PGM1: variants seen among roughly 807,000 people sequenced by gnomAD.
PGM1 encodes the protein phosphoglucomutase 1.
PGM1 carries 52 observed loss-of-function variants against 55.6 expected under a neutral mutation model. The observed-to-expected ratio is 0.94, with a 90% CI of 0.75 to 1.18. The LOEUF (loss-of-function observed/expected upper bound fraction) is 1.18, where lower values mean the gene tolerates loss of function less well. PGM1 is among the 50% of genes most tolerant of loss of function. The pLI, the probability that PGM1 is intolerant of heterozygous loss-of-function variation, is 0.00. For synonymous variants in PGM1, 287 were observed against 271.7 expected (o/e 1.06, Z -0.55); for missense variants, 724 against 729.3 (o/e 0.99, Z 0.08).
chr1:63,636,537 G>A (rs1241002943), intron 6 of PGM1, 149 bp downstream of exon 6: 1 of 920,836 alleles, frequency 1.1e-6, no homozygotes, highest in African/African-American at 1.6e-5. Flanking sequence ...TGAGGGGATG[G>A]TTGGCTTTTT....
At chr1:63,613,612 A>G (rs1648626927) in intron 1 of PGM1, among the ~76,000 whole-genome samples, 1 of 150,698 alleles carries the variant, frequency 6.6e-6, no homozygotes, top group Non-Finnish European at 1.5e-5. Flanking sequence ...CTAATCCAGT[A>G]TGCTCTCATT....
chr1:63,627,284 G>C (rs1649050836), intron 1 of PGM1, among the ~76,000 whole-genome samples: 1 of 152,022 alleles, frequency 6.6e-6, no homozygotes, highest in South Asian at 2.1e-4. Context: ...GAGGGTTTTG[G>C]AGTCAGAAAA....
In PGM1 at chr1:63,619,098, C is replaced by A. The variant is rs192429666; in HGVS notation, c.247-10327C>A. Among the ~76,000 whole-genome samples, 13 of 152,282 alleles carry A rather than the reference C, an allele frequency of 8.5e-5. No individual in the cohort carries two copies. In the East Asian group the frequency reaches 1.7e-3, roughly 20 times the overall value. On this transcript the variant is annotated intron_variant, in intron 1 of 10. Transcript: ENST00000371084. ...TTTACCTGTCTTTCTGGTTCAAGGG[C>A]TAACCTAATCTGGCTAGTACACTTT...
chr1:63,627,980 G>A (rs1432803451), intron 1 of PGM1, among the ~76,000 whole-genome samples: 2 of 152,156 alleles, frequency 1.3e-5, no homozygotes, highest in African/African-American at 4.8e-5. Context: ...CTACGCCAGT[G>A]TCTGCCATAG....
In PGM1 at chr1:63,623,360, C is replaced by T. The variant is rs560113791; in HGVS notation, c.247-6065C>T. On this transcript the variant is annotated intron_variant, in intron 1 of 10. Coordinates refer to ENST00000371084, the MANE Select transcript of PGM1 (RefSeq NM_002633.3). ...CCATGCAAACCCTCTATTTTAGTTA[C>T]TCATACGACACTGTTGCAGCTTCAG... 145 of 1,522,768 alleles carry T rather than the reference C, an allele frequency of 9.5e-5. 2 individuals are homozygous for T. The South Asian group carries it at 1.6e-3, about 17-fold the overall frequency. 94.3% of individuals were successfully genotyped at this position (1,522,768 alleles called of 1,614,324 possible). A position where few individuals can be genotyped will look rare whatever the true frequency, so the allele number is the denominator to read the frequency against.
At chr1:63,633,932 ATTTTTTTTTTTTTT>A (rs60609353) in intron 4 of PGM1, among the ~76,000 whole-genome samples, 2 of 35,360 alleles carry the variant, frequency 5.7e-5, no homozygotes, top group African/African-American at 3.3e-4. Flanking sequence ...ATATATATAT[ATTTTTTTTTTTTTT>A]TTTTTTTTTT....
Position 63,654,412 on chromosome 1 carries a change from G to C in PGM1, c.1545G>C (p.Arg515=). Residue 515 remains arginine, a synonymous_variant, in exon 10 of 11, where the codon CGG becomes CGC. Transcript: ENST00000371084. ...SGTGSAGATI[R]LYIDSYEKDV... Reference sequence around the variant, plus strand: ...CTGGGAGTGCCGGGGCCACCATTCGGCTGTACATCGATAGCTATGAGAAGG... The same window carrying C: ...CTGGGAGTGCCGGGGCCACCATTCGCCTGTACATCGATAGCTATGAGAAGG... The C allele has an allele frequency of 1.2e-6, 2 of 1,614,078 alleles. No individual in the cohort carries two copies. The highest frequency in any genetic ancestry group is 1.1e-5 in the South Asian group (1 of 91,074).
chr1:63,639,080 C>A (rs1199122106), intron 7 of PGM1, among the ~76,000 whole-genome samples: 1 of 152,144 alleles, frequency 6.6e-6, no homozygotes, highest in Non-Finnish European at 1.5e-5. Context: ...AGGGATTAAA[C>A]AGAGCGATAA....
chr1:63,650,368 C>T (rs1649775146), intron 8 of PGM1, among the ~76,000 whole-genome samples: 1 of 152,178 alleles, frequency 6.6e-6, no homozygotes, highest in Non-Finnish European at 1.5e-5. Flanking sequence ...TTCCACCCCT[C>T]TGTGCCTAGG....
chr1:63,629,344 C>T (rs1649125528), intron 1 of PGM1, 81 bp from the exon 2 acceptor site: 10 of 1,158,270 alleles, frequency 8.6e-6, no homozygotes, highest in South Asian at 1.2e-5. Flanking sequence ...TGTCCATCTG[C>T]CTGTTGTCTT....
In PGM1 at chr1:63,624,103, G is replaced by A. The variant is rs147433829; in HGVS notation, c.247-5322G>A. Among the ~76,000 whole-genome samples, 102 of 152,282 alleles carry A rather than the reference G, an allele frequency of 6.7e-4. 1 individual carries two copies. The highest frequency in any genetic ancestry group is 2.4e-3 in the African/African-American group (98 of 41,556). ...AGCTTCAAGGGGCACCCTGTCCTGT[G>A]TAAGAGGGCTCTACTGAATGGTGGA... On this transcript the variant is annotated intron_variant, in intron 1 of 10. Coordinates refer to ENST00000371084, the MANE Select transcript of PGM1 (RefSeq NM_002633.3).
intron 7 of PGM1, among the ~76,000 whole-genome samples, chr1:63,641,123 C>T (rs145345527): frequency 5.9e-4 from 90 of 152,278 alleles, no homozygotes; most frequent in African/African-American, 2.1e-3. Context: ...TTTCTTTGAA[C>T]CAAAGTATTA....
intron 7 of PGM1, among the ~76,000 whole-genome samples, chr1:63,644,118 C>T (rs1320369555): frequency 2.0e-5 from 3 of 152,194 alleles, no homozygotes; most frequent in Non-Finnish European, 4.4e-5. Context: ...CTCTTGGCTC[C>T]CTCAGGAATG....
chr1:63,638,503 A>G (rs546926977), intron 6 of PGM1, among the ~76,000 whole-genome samples, 182 bp from the exon 7 acceptor site: 8 of 135,860 alleles, frequency 5.9e-5, no homozygotes, highest in South Asian at 2.2e-4. Context: ...CTGAATCCAC[A>G]TATAATAGCC....
Position 63,631,792 on chromosome 1 carries a change from C to A in PGM1, c.682+10C>A. On this transcript the variant is annotated intron_variant, in intron 4 of 10. Coordinates refer to ENST00000371084, the MANE Select transcript of PGM1 (RefSeq NM_002633.3). ...GATGCTATGCATGGAGGTATACAAT[C>A]ATTTCTTTTCAATTCCCATCTCTTG... is the stretch of plus-strand genomic sequence containing the variant. 6.2e-7 allele frequency: 1 copy of A among 1,613,394 alleles called. No homozygotes were observed. Among genetic ancestry groups the A allele is most frequent in the Non-Finnish European group, 8.5e-7 (1 of 1,179,402 alleles).
chr1:63,657,604 C>G (rs905793877), intron 10 of PGM1, among the ~76,000 whole-genome samples: 6 of 152,168 alleles, frequency 3.9e-5, no homozygotes, highest in African/African-American at 1.4e-4. Flanking sequence ...AAAACTAAAA[C>G]TCTGTACCCA....
chr1:63,593,882 C>T, intron 1 of PGM1, 148 bp downstream of exon 1: 1 of 1,275,434 alleles, frequency 7.8e-7, no homozygotes, highest in Non-Finnish European at 9.8e-7. Context: ...TTCGCGCTCG[C>T]TCTTCTGGCC....
intron 1 of PGM1, chr1:63,623,365 A>G: frequency 6.5e-7 from 1 of 1,527,712 alleles, no homozygotes; most frequent in South Asian, 1.3e-5. Flanking sequence ...AGTTACTCAT[A>G]CGACACTGTT....
chr1:63,654,311 A>G (rs1322443408), intron 9 of PGM1, 21 bp from the exon 10 acceptor site: 6 of 1,613,206 alleles, frequency 3.7e-6, no homozygotes, highest in Non-Finnish European at 5.1e-6. Context: ...GGGGAAAAAA[A>G]TCTCTGCTTA....
Sources: gnomAD v4.1 joint callset for allele counts (sites outside exome capture counted in the v4.1 genomes callset) on GRCh38, gnomAD v4.1.1 for gene constraint, MANE v1.5 for transcripts, NCBI Gene and HGNC (gene_info 2026-07-23, HGNC 2026-07-21) for gene names.